RB1: variants seen among roughly 807,000 people sequenced by gnomAD.
RB1 encodes the protein RB transcriptional corepressor 1.
Under a neutral mutation model 135.4 loss-of-function variants are expected in RB1, and 18 were observed. That is an observed-to-expected ratio of 0.13 (90% CI 0.09 to 0.20). The LOEUF is 0.20. RB1 is among the 10% of genes least tolerant of loss of function. RB1 has a pLI of 1.00. For missense variants in RB1, 868 were observed against 1,110.0 expected (o/e 0.78, Z 3.10); for synonymous variants, 365 against 373.2 (o/e 0.98, Z 0.25).
chr13:48,337,775 C>T (rs1330798853), intron 2 of RB1, among the ~76,000 whole-genome samples: 59 of 152,220 alleles, frequency 3.9e-4, no homozygotes, highest in Admixed American at 5.9e-4. Context: ...TTCCTAGCCT[C>T]GATGGTCTTT....
At chr13:48,342,760 G>T (rs559242550) in intron 3 of RB1, 46 bp downstream of exon 3, 2 of 1,306,110 alleles carry the variant, frequency 1.5e-6, no homozygotes, top group Non-Finnish European at 1.1e-6. Flanking sequence ...AAAAGGAAAC[G>T]AATTCTGGAT....
At chr13:48,411,841 T>TA (rs765548207) in intron 17 of RB1, 12 of 1,613,398 alleles carry the variant, frequency 7.4e-6, no homozygotes, top group South Asian at 5.5e-5. Context: ...ATTAGAGGAA[T>TA]AAAAAATCCC....
In RB1 at chr13:48,394,671, C is replaced by T. The variant is rs755846407; in HGVS notation, c.1695+13228C>T. The stretch of plus-strand genomic sequence containing the variant: ...AGAGCCTACCACAGCTCCCTAAATC[C>T]GCTGTAGCCAGACTGCCTTTCTAGA... On this transcript the variant is annotated intron_variant, in intron 17 of 26. Transcript: ENST00000267163. Among the ~76,000 whole-genome samples the T allele has an allele frequency of 1.7e-4, 26 of 152,316 alleles. 1 individual carries two copies. The Middle Eastern group carries it at 0.01, about 60-fold the overall frequency.
Position 48,480,098 on chromosome 13 carries a change from T to C in RB1, c.*27T>C. On this transcript the variant is annotated 3_prime_UTR_variant, in exon 27 of 27. Transcript: ENST00000267163. Reference sequence around the variant, plus strand: ...GATCTCAGGACCTTGGTGGACACTGTGTACACCTCTGGATTCATTGTCTCT... The same window carrying C: ...GATCTCAGGACCTTGGTGGACACTGCGTACACCTCTGGATTCATTGTCTCT... 5 of 1,556,586 alleles carry C rather than the reference T, an allele frequency of 3.2e-6. No individual in the cohort carries two copies. The highest frequency in any genetic ancestry group is 4.4e-6 in the Non-Finnish European group (5 of 1,129,224).
intron 2 of RB1, among the ~76,000 whole-genome samples, chr13:48,310,099 G>A (rs961729070): frequency 3.9e-5 from 6 of 152,148 alleles, no homozygotes; most frequent in African/African-American, 1.4e-4. Flanking sequence ...CTGTTGTCCT[G>A]TTGTAAATCA....
chr13:48,304,131 G>T, intron 1 of RB1, 82 bp downstream of exon 1: 1 of 1,307,104 alleles, frequency 7.7e-7, no homozygotes, highest in Non-Finnish European at 9.7e-7. Context: ...CGGCTCGGCG[G>T]GGATCCGTCC....
chr13:48,362,923 T>C lies in RB1; in HGVS notation c.827T>C (p.Val276Ala). The C allele has an allele frequency of 6.2e-7, 1 of 1,613,710 alleles. No homozygotes were observed. The highest frequency in any genetic ancestry group is 8.5e-7 in the Non-Finnish European group (1 of 1,179,752). ...GAAAATGATACAAGAATTATTGAAG[T>C]TCTCTGTAAAGAACATGAATGTAAT... ...QLENDTRIIE[V>A]LCKEHECNID... Residue 276 changes from valine to alanine, a missense_variant, in exon 8 of 27, where the codon GTT becomes GCT. Physicochemically the swap from Val to Ala is moderately conservative, Grantham distance 64. Transcript: ENST00000267163.
chr13:48,365,104 A>G, intron 9 of RB1, 133 bp downstream of exon 9: 1 of 1,132,296 alleles, frequency 8.8e-7, no homozygotes. Flanking sequence ...AGCCAAGTAG[A>G]ATTGTGGTGA....
intron 2 of RB1, chr13:48,340,755 C>G (rs1295549016): frequency 6.1e-6 from 1 of 163,802 alleles, no homozygotes; most frequent in Non-Finnish European, 1.3e-5. Flanking sequence ...CTTATTAGTT[C>G]CCAAGAAATT....
At chr13:48,382,000 C>G (rs539033600) in intron 17 of RB1, among the ~76,000 whole-genome samples, 99 of 152,256 alleles carry the variant, frequency 6.5e-4, no homozygotes, top group African/African-American at 2.3e-3. Context: ...CCAGCTTCAT[C>G]CATGTCCCTA....
intron 17 of RB1, among the ~76,000 whole-genome samples, chr13:48,392,080 A>G (rs1159218794): frequency 6.6e-6 from 1 of 151,942 alleles, no homozygotes; most frequent in Non-Finnish European, 1.5e-5. Flanking sequence ...CTTTAAAAAT[A>G]TTGCTCCACT....
At chr13:48,424,560 A>G (rs1197431178) in intron 17 of RB1, among the ~76,000 whole-genome samples, 1 of 151,998 alleles carries the variant, frequency 6.6e-6, no homozygotes, top group Non-Finnish European at 1.5e-5. Flanking sequence ...TTGAATAAGC[A>G]TATTTATCTG....
chr13:48,480,728 A>C lies in RB1; in HGVS notation c.*657A>C, dbSNP rs1373379546. ...GCTGGAAGCAAAGTATAACCATATG[A>C]TACTATCATACTACTGAAACAGATT... On this transcript the variant is annotated 3_prime_UTR_variant, in exon 27 of 27. Coordinates refer to ENST00000267163, the MANE Select transcript of RB1 (RefSeq NM_000321.3). The C allele has an allele frequency of 4.4e-6, 1 of 227,204 alleles. No individual in the cohort carries two copies. The highest frequency in any genetic ancestry group is 8.8e-6 in the Non-Finnish European group (1 of 114,224). 14.1% of individuals were successfully genotyped at this position (227,204 alleles called of 1,614,324 possible). A position where few individuals can be genotyped will look rare whatever the true frequency, so the allele number is the denominator to read the frequency against.
At chr13:48,365,291 A>C (rs1028452621) in intron 9 of RB1, among the ~76,000 whole-genome samples, 1 of 152,212 alleles carries the variant, frequency 6.6e-6, no homozygotes, top group African/African-American at 2.4e-5. Context: ...AATATAAACC[A>C]TTAAATTTGC....
chr13:48,406,466 C>A (rs1165361151), intron 17 of RB1: 1 of 152,062 alleles, frequency 6.6e-6, no homozygotes, highest in Non-Finnish European at 1.5e-5. Context: ...AAATATAGTT[C>A]TTGTTGTGAT....
rs1438600147 is a variant in RB1, at chr13:48,376,948, C to A, written c.1246C>A (p.Leu416Met). 1 of 1,613,640 alleles carries A rather than the reference C, an allele frequency of 6.2e-7. No individual in the cohort carries two copies. Among genetic ancestry groups the A allele is most frequent in the Middle Eastern group, 1.7e-4 (1 of 6,056 alleles). ...NCTVNPKESI[L>M]KRVKDIGYIF... Reference sequence around the variant, plus strand: ...CACAGTGAATCCAAAAGAAAGTATACTGAAAAGAGTGAAGGATATAGGATA... The same window carrying A: ...CACAGTGAATCCAAAAGAAAGTATAATGAAAAGAGTGAAGGATATAGGATA... Residue 416 changes from leucine (L) to methionine (M), a missense_variant, in exon 13 of 27, where the codon CTG becomes ATG. Physicochemically the swap from Leu to Met is conservative, Grantham distance 15 (BLOSUM62 2). This residue lies in a region of RB1 where 641 missense variants were observed against 791.3 expected (regional missense o/e 0.81). Transcript: ENST00000267163.
chr13:48,378,307 TTTTC>T (rs1464812848), intron 13 of RB1, among the ~76,000 whole-genome samples: 2 of 152,154 alleles, frequency 1.3e-5, no homozygotes, highest in African/African-American at 4.8e-5. Context: ...TACAAAAATA[TTTTC>T]TTTCTTTATA....
At chr13:48,344,379 G>T (rs4151452) in intron 3 of RB1, among the ~76,000 whole-genome samples, 11,087 of 152,140 alleles carry the variant, frequency 0.073, 1,096 homozygotes, top group African/African-American at 0.22. Context: ...AGTAGGGTGA[G>T]GAGGGCATCC....
chr13:48,316,637 A>T (rs1045686425), intron 2 of RB1, among the ~76,000 whole-genome samples: 1 of 152,198 alleles, frequency 6.6e-6, no homozygotes, highest in Admixed American at 6.5e-5. Context: ...GTTAAATAAA[A>T]GCATTGTTTC....
Sources: gnomAD v4.1 joint callset for allele counts (sites outside exome capture counted in the v4.1 genomes callset) on GRCh38, gnomAD v4.1.1 for gene constraint, gnomAD v4.1.1 regional missense constraint, MANE v1.5 for transcripts, NCBI Gene and HGNC (gene_info 2026-07-23, HGNC 2026-07-21) for gene names.